The following ZDHHC1 variants were observed in gnomAD, a reference collection of about 807,000 sequenced individuals.
The protein encoded by ZDHHC1 is zDHHC palmitoyltransferase 1, also known as palmitoyltransferase ZDHHC1.
A neutral mutation model predicts 46.9 loss-of-function variants in ZDHHC1; 45 were observed. The observed-to-expected ratio is 0.96, with a 90% CI of 0.76 to 1.23. The LOEUF (loss-of-function observed/expected upper bound fraction) is 1.23, where lower values mean the gene tolerates loss of function less well. Among genes scored for constraint, ZDHHC1 ranks in the 50% most tolerant of loss-of-function variants. The probability of loss-of-function intolerance (pLI) is 0.00; values close to 1 mark genes in which losing one functional copy is unlikely to be tolerated. For missense variants in ZDHHC1, 649 were observed against 670.8 expected, an observed-to-expected ratio of 0.97 and a Z score of 0.36; for synonymous variants, 291 against 286.0, an observed-to-expected ratio of 1.02 and a Z score of -0.18.
At chr16:67,411,226 T>G (rs188147785) in intron 1 of ZDHHC1, among the ~76,000 whole-genome samples, 2 of 152,204 alleles carry the variant, frequency 1.3e-5, no homozygotes, top group African/African-American at 4.8e-5. Context: ...CCTGAGGGCT[T>G]CAGAATCAAG....
chr16:67,408,318 A>ACC (rs2040697805), intron 1 of ZDHHC1, among the ~76,000 whole-genome samples: 1 of 149,706 alleles, frequency 6.7e-6, no homozygotes, highest in Non-Finnish European at 1.5e-5. Flanking sequence ...GGCACGCACC[A>ACC]CCACACCTGG....
Position 67,406,334 on chromosome 16 carries a change from G to A in ZDHHC1, c.118C>T (p.Arg40Cys), listed in dbSNP as rs776487512. The part of the protein sequence containing the change: ...PSPELQGQRS[R>C]RNGWSWPPHP... ...GGGGGCCAGCTCCACCCATTCCGGC[G>A]GGATCGCTGGCCCTGCAGCTCAGGG... The change falls in exon 3 of 12, where the codon CGC (arginine) becomes TGC (cysteine). Residue 40 changes from arginine to cysteine, a missense_variant. Arg to Cys is a radical substitution (Grantham distance 180). Transcript: ENST00000565726. The surrounding 1 kb of genome is among the most constrained non-coding windows in gnomAD (Gnocchi z 4.1). 3.3e-5 allele frequency: 53 copies of A among 1,594,920 alleles called. No individual in the cohort carries two copies. The highest frequency in any genetic ancestry group is 1.6e-4 in the Middle Eastern group (1 of 6,064).
chr16:67,394,936 C>G (rs770583030), intron 11 of ZDHHC1, 43 bp from the exon 12 acceptor site: 1 of 1,557,640 alleles, frequency 6.4e-7, no homozygotes, highest in Non-Finnish European at 8.7e-7. Flanking sequence ...CTGCGGCTCG[C>G]TTGTGGCTCT....
At position 67,406,123 on chromosome 16, in the gene ZDHHC1, G is replaced by A; in HGVS notation, c.252+77C>T. The A allele has an allele frequency of 6.5e-7, 1 of 1,527,156 alleles. No individual in the cohort carries two copies. Among genetic ancestry groups the A allele is most frequent in the Non-Finnish European group, 8.8e-7 (1 of 1,135,352 alleles). The allele number at this position is 1,527,156 out of a possible 1,614,324, so 94.6% of individuals were successfully genotyped here. ...TGTGCTCCCCAAGGCTCTCAACCCG[G>A]CTTTGGGCCTCCGCTGTGCCAGCCA... On this transcript the variant is annotated intron_variant, in intron 3 of 11. Coordinates refer to ENST00000565726, the MANE Select transcript of ZDHHC1 (RefSeq NM_001323627.2). The surrounding 1 kb of genome is among the most constrained non-coding windows in gnomAD (Gnocchi z 4.1).
In ZDHHC1 at chr16:67,395,191, G is replaced by C; in HGVS notation, c.1100C>G (p.Pro367Arg). The C allele has an allele frequency of 1.2e-6, 2 of 1,612,546 alleles. No homozygotes were observed. The highest frequency in any genetic ancestry group is 1.7e-6 in the Non-Finnish European group (2 of 1,179,812). The stretch of plus-strand genomic sequence containing the variant: ...GCCCAGCACAGTCCCTCCTACCTGG[G>C]GTCGGATCCGGGGAGGCAGGGCGAG... ...DTLALPPRIRPQKKRKRRVYK... is the reference protein window; with the variant it reads ...DTLALPPRIRRQKKRKRRVYK... Residue 367 changes from proline to arginine, a missense_variant, in exon 10 of 12, where the codon CCC (proline) becomes CGC (arginine). Transcript: ENST00000565726.
At chr16:67,400,187 C>G (rs755448711) in intron 4 of ZDHHC1, among the ~76,000 whole-genome samples, 2 of 152,206 alleles carry the variant, frequency 1.3e-5, no homozygotes, top group Admixed American at 6.5e-5. Context: ...AAGTCCTTGG[C>G]GCCTTAAGGC....
intron 1 of ZDHHC1, among the ~76,000 whole-genome samples, 199 bp downstream of exon 1, chr16:67,415,972 C>T (rs899529295): frequency 2.6e-5 from 4 of 152,302 alleles, no homozygotes; most frequent in South Asian, 2.1e-4. Context: ...TGGCACAGAG[C>T]CTGGCAAAGA....
Position 67,406,343 on chromosome 16 carries a change from G to C in ZDHHC1, c.109C>G (p.Gln37Glu). 1 of 1,591,856 alleles carries C rather than the reference G, an allele frequency of 6.3e-7. No homozygotes were observed. Among genetic ancestry groups the C allele is most frequent in the Non-Finnish European group, 8.6e-7 (1 of 1,169,370 alleles). The change falls in exon 3 of 12, where the codon CAG (glutamine) becomes GAG (glutamate). Residue 37 changes from glutamine (Q) to glutamate (E), a missense_variant. Gln to Glu is a conservative substitution (Grantham distance 29). Transcript: ENST00000565726. This position sits in a 1 kb window ranked among gnomAD's most constrained non-coding sequence, Gnocchi z 4.1. The stretch of plus-strand genomic sequence containing the variant: ...CTCCACCCATTCCGGCGGGATCGCT[G>C]GCCCTGCAGCTCAGGGGAGGGTCCG... ...PSGPSPELQG[Q>E]RSRRNGWSWP... is the part of the protein sequence containing the mutation.
At chr16:67,411,537 T>A (rs773261295) in intron 1 of ZDHHC1, among the ~76,000 whole-genome samples, 2 of 152,228 alleles carry the variant, frequency 1.3e-5, no homozygotes, top group African/African-American at 2.4e-5. Flanking sequence ...AATATCCAAG[T>A]CTGGCGAAAC....
chr16:67,394,519 C>G lies in ZDHHC1; in HGVS notation c.*91G>C. 3.7e-6 allele frequency: 4 copies of G among 1,092,930 alleles called. No individual in the cohort carries two copies. Among genetic ancestry groups the G allele is most frequent in the African/African-American group, 3.3e-5 (2 of 60,212 alleles). 67.7% of individuals were successfully genotyped at this position (1,092,930 alleles called of 1,614,324 possible). ...GGCCGATCCCGCCGGCCGTAGGGGCCCCTAAAGTGCACTCGGTGCGGCAAG... is the reference window on the plus strand; with the variant it reads ...GGCCGATCCCGCCGGCCGTAGGGGCGCCTAAAGTGCACTCGGTGCGGCAAG... On this transcript the variant is annotated 3_prime_UTR_variant, in exon 12 of 12. Coordinates refer to ENST00000565726, the MANE Select transcript of ZDHHC1 (RefSeq NM_001323627.2).
Position 67,398,878 on chromosome 16 carries a change from A to G in ZDHHC1, c.597T>C (p.Tyr199=). 1.9e-6 allele frequency: 3 copies of G among 1,613,380 alleles called. No individual in the cohort carries two copies. The highest frequency in any genetic ancestry group is 1.7e-5 in the Admixed American group (1 of 59,892). Reference sequence around the variant, plus strand: ...GGTTGACAAAGAACTCCACGAAGACATATGTGGCCACCAGCACCAGGAGCA... The same window carrying G: ...GGTTGACAAAGAACTCCACGAAGACGTATGTGGCCACCAGCACCAGGAGCA... The part of the protein sequence containing the change: ...GVLLLVLVAT[Y]VFVEFFVNPM... The change falls in exon 6 of 12, where the codon TAT becomes TAC. Residue 199 remains tyrosine, a synonymous_variant. Coordinates refer to ENST00000565726, the MANE Select transcript of ZDHHC1 (RefSeq NM_001323627.2).
chr16:67,406,303 G>C lies in ZDHHC1; in HGVS notation c.149C>G (p.Pro50Arg), dbSNP rs770620951. ...RRNGWSWPPH[P>R]LQIVAWLLYL... ...CAGCAGCCAGGCCACAATCTGGAGC[G>C]GGTGAGGGGGCCAGCTCCACCCATT... Residue 50 changes from proline (P) to arginine (R), a missense_variant, in exon 3 of 12, where the codon CCG (proline) becomes CGG (arginine). Transcript: ENST00000565726. This position sits in a 1 kb window ranked among gnomAD's most constrained non-coding sequence, Gnocchi z 4.1. The C allele has an allele frequency of 1.2e-6, 2 of 1,607,722 alleles. No individual in the cohort carries two copies. The highest frequency in any genetic ancestry group is 2.2e-5 in the South Asian group (2 of 89,638).
intron 1 of ZDHHC1, among the ~76,000 whole-genome samples, chr16:67,414,255 C>G (rs1236095594): frequency 6.6e-6 from 1 of 152,122 alleles, no homozygotes. Context: ...TGTGACAGAA[C>G]AAAGAAAGAA....
At chr16:67,413,938 C>CAAAAAAAAAAAAAAAAAAAAA (rs974752448) in intron 1 of ZDHHC1, among the ~76,000 whole-genome samples, 1 of 61,944 alleles carries the variant, frequency 1.6e-5, no homozygotes, top group Non-Finnish European at 3.0e-5. Flanking sequence ...GACTCCGTCT[C>CAAAAAAAAAAAAAAAAAAAAA]AAAAAAAAAA....
In ZDHHC1 at chr16:67,394,484, G is replaced by T; in HGVS notation, c.*126C>A. The T allele has an allele frequency of 2.5e-6, 2 of 800,598 alleles. No individual in the cohort carries two copies. The highest frequency in any genetic ancestry group is 6.0e-5 in the South Asian group (1 of 16,538). The allele number at this position is 800,598 out of a possible 1,614,324, so 49.6% of individuals were successfully genotyped here. On this transcript the variant is annotated 3_prime_UTR_variant, in exon 12 of 12. Transcript: ENST00000565726. ...GGTGGGGCGGGTATTGCTGAGTCGT[G>T]GGGGAGGGAGGCCGATCCCGCCGGC...
Position 67,398,834 on chromosome 16 carries a change from T to C in ZDHHC1, c.641A>G (p.Asn214Ser), listed in dbSNP as rs1180578774. Residue 214 changes from asparagine (N) to serine (S), a missense_variant, in exon 6 of 12, where the codon AAC (asparagine) becomes AGC (serine). Asn to Ser is a conservative substitution (Grantham distance 46). Coordinates refer to ENST00000565726, the MANE Select transcript of ZDHHC1 (RefSeq NM_001323627.2). Reference sequence around the variant, plus strand: ...CCTAAACTGACCTTCAAAGTGTCGGTTGGTGCGCAGACGCATGGGGTTGAC... The same window carrying C: ...CCTAAACTGACCTTCAAAGTGTCGGCTGGTGCGCAGACGCATGGGGTTGAC... ...FFVNPMRLRT[N>S]RHFEVLKNHT... The C allele has an allele frequency of 1.1e-5, 17 of 1,612,822 alleles. No homozygotes were observed. The highest frequency in any genetic ancestry group is 6.7e-5 in the East Asian group (3 of 44,830).
Position 67,394,860 on chromosome 16 carries a change from G to C in ZDHHC1, c.1199C>G (p.Ser400Trp), listed in dbSNP as rs764427154. The C allele has an allele frequency of 1.5e-5, 23 of 1,565,886 alleles. No homozygotes were observed. The highest frequency in any genetic ancestry group is 1.9e-5 in the Non-Finnish European group (22 of 1,158,350). ...AGGGCTGGCGTCCGCGGAATCCGTC[G>C]ACGAGCTGGAGCGGCGGCTGGGGGC... ...PRAPSRRSSSSTDSADASPVH... is the reference protein window; with the variant it reads ...PRAPSRRSSSWTDSADASPVH... Residue 400 changes from serine to tryptophan, a missense_variant, in exon 12 of 12, where the codon TCG (serine) becomes TGG (tryptophan). Ser to Trp is a radical substitution (Grantham distance 177). Coordinates refer to ENST00000565726, the MANE Select transcript of ZDHHC1 (RefSeq NM_001323627.2).
chr16:67,408,960 A>T (rs2142257092), intron 1 of ZDHHC1, among the ~76,000 whole-genome samples: 1 of 152,316 alleles, frequency 6.6e-6, no homozygotes, highest in East Asian at 1.9e-4. Flanking sequence ...CAGGGCAATT[A>T]CTTTGAAAGG....
chr16:67,416,405 CT>C lies in ZDHHC1; in HGVS notation c.-274del. 4.6e-6 allele frequency: 1 copy of C among 215,870 alleles called. No individual in the cohort carries two copies. The highest frequency in any genetic ancestry group is 9.5e-6 in the Non-Finnish European group (1 of 105,700). 13.4% of individuals were successfully genotyped at this position (215,870 alleles called of 1,614,324 possible). ...GCTCCGGCTCCGGCTCCGGCTCCGGCTCCGGCTCCGGCTCCAGCAGGCTGGA... is the reference window on the plus strand; with the variant it reads ...GCTCCGGCTCCGGCTCCGGCTCCGGCCCGGCTCCGGCTCCAGCAGGCTGGA... On this transcript the variant is annotated 5_prime_UTR_variant, in exon 1 of 12. Transcript: ENST00000565726.
Sources: gnomAD v4.1 joint callset for allele counts (sites outside exome capture counted in the v4.1 genomes callset) on GRCh38, gnomAD v4.1.1 for gene constraint, Gnocchi (gnomAD v3.1) non-coding constraint, MANE v1.5 for transcripts, NCBI Gene and HGNC (gene_info 2026-07-23, HGNC 2026-07-21) for gene names.